Variants in LDLRAD4 observed in about 807,000 individuals in gnomAD.
LDLRAD4 encodes low-density lipoprotein receptor class A domain-containing protein 4.
Under a neutral mutation model 17.0 loss-of-function variants are expected in LDLRAD4, and 5 were observed. The observed-to-expected ratio is 0.29, with a 90% CI of 0.15 to 0.62. The LOEUF (loss-of-function observed/expected upper bound fraction) is 0.62, where lower values mean the gene tolerates loss of function less well. Ranked by LOEUF, LDLRAD4 falls within the 20% of genes least tolerant of loss-of-function variation. The pLI is 0.84. For synonymous variants in LDLRAD4, 168 were observed against 171.8 expected, an observed-to-expected ratio of 0.98 and a Z score of 0.17; for missense variants, 340 against 424.7, an observed-to-expected ratio of 0.80 and a Z score of 1.75.
chr18:13,577,625 C>T (rs1272835028), intron 3 of LDLRAD4, among the ~76,000 whole-genome samples: 1 of 152,072 alleles, frequency 6.6e-6, no homozygotes, highest in Non-Finnish European at 1.5e-5. Flanking sequence ...AACGCAAAAG[C>T]GAAGGGAGAG....
At chr18:13,650,276 G>A (rs1014872516) in exon 6 of LDLRAD4, 5 of 403,126 alleles carry the variant, frequency 1.2e-5, no homozygotes, top group South Asian at 1.2e-4. Context: ...GCTGCTTCTC[G>A]AACTGGATGC....
intron 3 of LDLRAD4, among the ~76,000 whole-genome samples, chr18:13,618,705 T>C (rs2040308657): frequency 6.6e-6 from 1 of 152,230 alleles, no homozygotes; most frequent in Non-Finnish European, 1.5e-5. Context: ...AATTTGTGAA[T>C]ACTCCGCTAT....
At chr18:13,229,146 G>A (rs993700789) in intron 1 of LDLRAD4, among the ~76,000 whole-genome samples, 10 of 152,244 alleles carry the variant, frequency 6.6e-5, no homozygotes, top group African/African-American at 1.7e-4. Flanking sequence ...GCGCCAGCCT[G>A]TGTGTCAGCT....
At chr18:13,225,076 T>C (rs1356140233) in intron 1 of LDLRAD4, among the ~76,000 whole-genome samples, 5 of 152,076 alleles carry the variant, frequency 3.3e-5, no homozygotes, top group African/African-American at 1.2e-4. Context: ...CCTCAAGTGA[T>C]CCGCCCGCCT....
chr18:13,437,581 A>G lies in LDLRAD4; in HGVS notation c.41-663A>G, dbSNP rs1037213275. On this transcript the variant is annotated intron_variant, in intron 2 of 5. Transcript: ENST00000359446. The stretch of plus-strand genomic sequence containing the variant: ...TGGCCTATAAGGATTTGGGTATGGG[A>G]CCTGCCCTATTTTTATAGTTCACCA... Among the ~76,000 whole-genome samples the G allele has an allele frequency of 2.0e-5, 3 of 152,334 alleles. No individual in the cohort carries two copies. The South Asian group carries it at 6.2e-4, about 32-fold the overall frequency.
At chr18:13,354,284 A>C (rs536946827) in intron 1 of LDLRAD4, among the ~76,000 whole-genome samples, 2 of 152,120 alleles carry the variant, frequency 1.3e-5, no homozygotes, top group South Asian at 4.1e-4. Context: ...ATGCAATAAG[A>C]ATTGTCAATT....
At chr18:13,448,885 T>C (rs923426878) in intron 3 of LDLRAD4, among the ~76,000 whole-genome samples, 1 of 152,196 alleles carries the variant, frequency 6.6e-6, no homozygotes, top group African/African-American at 2.4e-5. Context: ...TGGGTGACCC[T>C]CCGAGGGCTG....
intron 1 of LDLRAD4, among the ~76,000 whole-genome samples, chr18:13,290,758 C>G (rs1312452275): frequency 1.3e-5 from 2 of 152,112 alleles, no homozygotes; most frequent in African/African-American, 4.8e-5. Context: ...TAGATTATAC[C>G]AGAAGAACAG....
At chr18:13,567,883 A>G (rs1026008310) in intron 3 of LDLRAD4, among the ~76,000 whole-genome samples, 1 of 152,210 alleles carries the variant, frequency 6.6e-6, no homozygotes, top group Non-Finnish European at 1.5e-5. Context: ...TAATGAAAGT[A>G]TTAACGCTGT....
intron 1 of LDLRAD4, among the ~76,000 whole-genome samples, chr18:13,271,561 C>T (rs1294002726): frequency 6.6e-6 from 1 of 152,200 alleles, no homozygotes; most frequent in Non-Finnish European, 1.5e-5. Flanking sequence ...TTGTGATGTC[C>T]TCAGCATCTG....
chr18:13,409,365 G>A (rs376208421), intron 2 of LDLRAD4, among the ~76,000 whole-genome samples: 91 of 152,168 alleles, frequency 6.0e-4, no homozygotes, highest in African/African-American at 2.1e-3. Flanking sequence ...TGCCCTCTAG[G>A]GATCTGTCCT....
At chr18:13,343,880 C>G (rs1368153050) in intron 1 of LDLRAD4, among the ~76,000 whole-genome samples, 1 of 152,180 alleles carries the variant, frequency 6.6e-6, no homozygotes, top group African/African-American at 2.4e-5. Flanking sequence ...TAAATGTCTT[C>G]TTTTGAGAAG....
At chr18:13,271,902 T>TC (rs1316275685) in intron 1 of LDLRAD4, among the ~76,000 whole-genome samples, 1 of 147,770 alleles carries the variant, frequency 6.8e-6, no homozygotes, top group East Asian at 2.0e-4. Flanking sequence ...GCTTTTTTTT[T>TC]TTTTTTTTTT....
At chr18:13,231,166 G>A (rs1306253983) in intron 1 of LDLRAD4, among the ~76,000 whole-genome samples, 1 of 152,222 alleles carries the variant, frequency 6.6e-6, no homozygotes, top group Non-Finnish European at 1.5e-5. Flanking sequence ...GAGTTCAGAG[G>A]CGTATAGATG....
intron 2 of LDLRAD4, among the ~76,000 whole-genome samples, chr18:13,401,128 G>A (rs1258347434): frequency 6.6e-6 from 1 of 152,168 alleles, no homozygotes; most frequent in African/African-American, 2.4e-5. Flanking sequence ...AGCAGGGAGT[G>A]TGGGCTCAGG....
At chr18:13,498,397 G>C (rs1326070615) in intron 3 of LDLRAD4, among the ~76,000 whole-genome samples, 2 of 113,444 alleles carry the variant, frequency 1.8e-5, no homozygotes, top group Non-Finnish European at 3.5e-5. Flanking sequence ...CCCCACATAC[G>C]TCCCCAGCCA....
intron 3 of LDLRAD4, among the ~76,000 whole-genome samples, chr18:13,463,226 GGT>G (rs1420473522): frequency 6.6e-6 from 1 of 152,148 alleles, no homozygotes; most frequent in Non-Finnish European, 1.5e-5. Flanking sequence ...TTATGGGATG[GGT>G]GACAACCAGC....
chr18:13,307,266 C>T (rs891072725), intron 1 of LDLRAD4, among the ~76,000 whole-genome samples: 2 of 152,250 alleles, frequency 1.3e-5, no homozygotes, highest in Admixed American at 6.5e-5. Flanking sequence ...GTCTCTGCCC[C>T]GCCTGAGACA....
At chr18:13,228,275 CTT>C (rs981669871) in intron 1 of LDLRAD4, among the ~76,000 whole-genome samples, 4 of 152,108 alleles carry the variant, frequency 2.6e-5, no homozygotes, top group Admixed American at 2.0e-4. Flanking sequence ...CCCTCAGTGT[CTT>C]TTGGGGAGTA....
Sources: gnomAD v4.1 joint callset for allele counts (sites outside exome capture counted in the v4.1 genomes callset) on GRCh38, gnomAD v4.1.1 for gene constraint, MANE v1.5 for transcripts, NCBI Gene and HGNC (gene_info 2026-07-23, HGNC 2026-07-21) for gene names.